Variants in DNAH7 observed in about 807,000 individuals in gnomAD.
DNAH7 encodes axonemal beta dynein heavy chain 7.
Under a neutral mutation model 444.6 loss-of-function variants are expected in DNAH7, and 397 were observed. The ratio of observed to expected loss-of-function variants is 0.89; its 90% CI spans 0.82 to 0.97. DNAH7 has a LOEUF of 0.97. Among genes scored for constraint, DNAH7 ranks in the 50% least tolerant of loss-of-function variants. The probability of loss-of-function intolerance (pLI) is 0.00; values close to 1 mark genes in which losing one functional copy is unlikely to be tolerated. For synonymous variants in DNAH7, 1,636 were observed against 1,624.4 expected, an observed-to-expected ratio of 1.01 and a Z score of -0.17; for missense variants, 4,902 against 4,800.8, an observed-to-expected ratio of 1.02 and a Z score of -0.62.
At chr2:195,895,486 C>G (rs1157351141) in intron 29 of DNAH7, among the ~76,000 whole-genome samples, 1 of 152,170 alleles carries the variant, frequency 6.6e-6, no homozygotes, top group Non-Finnish European at 1.5e-5. Flanking sequence ...CTTGCTCAGG[C>G]TGGAGTGCAG....
intron 19 of DNAH7, among the ~76,000 whole-genome samples, chr2:195,950,998 T>C (rs1559263158): frequency 6.6e-6 from 1 of 151,930 alleles, no homozygotes; most frequent in East Asian, 1.9e-4. Flanking sequence ...TGTTTGCTCT[T>C]GGTTCTCTAG....
chr2:195,824,120 C>G (rs982855008), intron 49 of DNAH7, 135 bp downstream of exon 49: 8 of 699,866 alleles, frequency 1.1e-5, no homozygotes, highest in Non-Finnish European at 1.7e-5. Context: ...ATTATTATAG[C>G]AATAATTTTA....
At chr2:195,750,514 C>A (rs1178027694) in intron 63 of DNAH7, among the ~76,000 whole-genome samples, 1 of 152,102 alleles carries the variant, frequency 6.6e-6, no homozygotes, top group Non-Finnish European at 1.5e-5. Context: ...TAAGAATTAA[C>A]CATAACTCCT....
intron 15 of DNAH7, among the ~76,000 whole-genome samples, chr2:195,976,687 T>C (rs150797313): frequency 0.011 from 1,621 of 150,248 alleles, 15 homozygotes; most frequent in Non-Finnish European, 0.018. Context: ...CAAGGGTGTT[T>C]GTGTCACCCC....
chr2:195,921,872 G>A (rs1688048287), intron 24 of DNAH7, among the ~76,000 whole-genome samples: 1 of 152,152 alleles, frequency 6.6e-6, no homozygotes, highest in African/African-American at 2.4e-5. Flanking sequence ...AACAACAAGT[G>A]ACACCTACTA....
chr2:195,791,196 G>A (rs1012466087), intron 57 of DNAH7, among the ~76,000 whole-genome samples: 4 of 151,812 alleles, frequency 2.6e-5, no homozygotes, highest in Admixed American at 6.6e-5. Context: ...GGCCAGGCTC[G>A]GTGGCTCACT....
rs1290088231 is a variant in DNAH7 at position 196,051,177 on chromosome 2, G to A, written c.141+10C>T. ...CAAAAATTCAATGAGAATATATTTG[G>A]ATAAGTTACCATAGACAGCTGTGGT... On this transcript the variant is annotated intron_variant, in intron 3 of 64. Coordinates refer to ENST00000312428, the MANE Select transcript of DNAH7 (RefSeq NM_018897.3). The A allele has an allele frequency of 6.2e-7, 1 of 1,610,340 alleles. No homozygotes were observed. Among genetic ancestry groups the A allele is most frequent in the African/African-American group, 1.3e-5 (1 of 74,838 alleles).
At position 195,777,916 on chromosome 2, in the gene DNAH7, A is replaced by C; in HGVS notation, c.10948T>G (p.Trp3650Gly). 1 of 1,614,214 alleles carries C rather than the reference A, an allele frequency of 6.2e-7. No homozygotes were observed. Among genetic ancestry groups the C allele is most frequent in the Non-Finnish European group, 8.5e-7 (1 of 1,180,014 alleles). Residue 3650 changes from tryptophan (W) to glycine (G), a missense_variant, in exon 59 of 65, where the codon TGG becomes GGG. Coordinates refer to ENST00000312428, the MANE Select transcript of DNAH7 (RefSeq NM_018897.3). ...CNYGGRVTDD[W>G]DRRTLRSILN... ...ATGCTGCGCAGCGTGCGCCGGTCCC[A>C]GTCATCGGTCACTCTGCCTCCGTAA...
chr2:195,948,522 T>C (rs1042296106), intron 19 of DNAH7, among the ~76,000 whole-genome samples: 7 of 152,202 alleles, frequency 4.6e-5, no homozygotes, highest in Non-Finnish European at 7.3e-5. Context: ...CTAGCCAGTT[T>C]TCCCAACACC....
At chr2:195,909,820 T>C (rs1172746636) in intron 25 of DNAH7, among the ~76,000 whole-genome samples, 1 of 152,172 alleles carries the variant, frequency 6.6e-6, no homozygotes, top group Non-Finnish European at 1.5e-5. Flanking sequence ...CTTGTTACAG[T>C]AGGGACTGGA....
intron 60 of DNAH7, 67 bp from the exon 61 acceptor site, chr2:195,771,957 A>C (rs1372421313): frequency 7.7e-7 from 1 of 1,305,582 alleles, no homozygotes; most frequent in Non-Finnish European, 1.1e-6. Flanking sequence ...AATAGGAAAA[A>C]TCCTAAGGTA....
At chr2:195,914,869 C>T (rs190479511) in intron 24 of DNAH7, among the ~76,000 whole-genome samples, 322 of 152,222 alleles carry the variant, frequency 2.1e-3, no homozygotes, top group African/African-American at 7.6e-3. Flanking sequence ...ACCATGTTGG[C>T]TAGGCTGGTC....
In DNAH7 at chr2:196,058,062, G is replaced by T; in HGVS notation, c.70C>A (p.Leu24Met). ...GTATATTGGTAAATTACCATAGACAGCTGTGGTAGAAATCTTACTGGTTTC... is the reference window on the plus strand; with the variant it reads ...GTATATTGGTAAATTACCATAGACATCTGTGGTAGAAATCTTACTGGTTTC... ...SKKPVRFLPQ[L>M]SMEKLASKEK... Residue 24 changes from leucine (L) to methionine (M), a missense_variant, in exon 2 of 65, where the codon CTG becomes ATG. Coordinates refer to ENST00000312428, the MANE Select transcript of DNAH7 (RefSeq NM_018897.3). 6.4e-7 allele frequency: 1 copy of T among 1,562,748 alleles called. No homozygotes were observed. Among genetic ancestry groups the T allele is most frequent in the Admixed American group, 1.8e-5 (1 of 54,136 alleles).
chr2:195,815,285 T>C (rs1697168898), intron 51 of DNAH7, among the ~76,000 whole-genome samples: 1 of 152,102 alleles, frequency 6.6e-6, no homozygotes, highest in African/African-American at 2.4e-5. Flanking sequence ...CATTACGCAA[T>C]GCATTTCTTC....
At chr2:195,982,188 T>G (rs1574943896) in intron 15 of DNAH7, among the ~76,000 whole-genome samples, 1 of 152,060 alleles carries the variant, frequency 6.6e-6, no homozygotes, top group African/African-American at 2.4e-5. Context: ...AATAGATATT[T>G]TTCAAAAGAC....
intron 5 of DNAH7, 43 bp downstream of exon 5, chr2:196,047,309 C>T: frequency 6.8e-7 from 1 of 1,467,762 alleles, no homozygotes; most frequent in East Asian, 2.4e-5. Flanking sequence ...TTGCCAGGGG[C>T]TCTAACATGG....
chr2:196,038,889 A>G (rs962364600), intron 5 of DNAH7, among the ~76,000 whole-genome samples: 1 of 152,212 alleles, frequency 6.6e-6, no homozygotes, highest in Non-Finnish European at 1.5e-5. Context: ...TAAAGAAAAT[A>G]TTATTAAAGT....
In DNAH7 at chr2:195,904,944, C is replaced by T. The variant is rs1408773975; in HGVS notation, c.4335+1715G>A. ...TAGGTAATTGGTATTTCCATATATA[C>T]CTGAAAACAGATGCTCTGTAGAAGC... On this transcript the variant is annotated intron_variant, in intron 27 of 64. Coordinates refer to ENST00000312428, the MANE Select transcript of DNAH7 (RefSeq NM_018897.3). 3.3e-5 allele frequency: 5 copies of T among 152,184 alleles called. No homozygotes were observed. In the South Asian group the frequency reaches 1.0e-3, roughly 31 times the overall value. 9.4% of individuals were successfully genotyped at this position (152,184 alleles called of 1,614,324 possible).
chr2:195,965,679 A>G (rs1464398252), intron 17 of DNAH7, among the ~76,000 whole-genome samples: 1 of 152,136 alleles, frequency 6.6e-6, no homozygotes, highest in African/African-American at 2.4e-5. Flanking sequence ...GGATTGCTGC[A>G]TGGTTCAATC....
Sources: gnomAD v4.1 joint callset for allele counts (sites outside exome capture counted in the v4.1 genomes callset) on GRCh38, gnomAD v4.1.1 for gene constraint, MANE v1.5 for transcripts, NCBI Gene and HGNC (gene_info 2026-07-23, HGNC 2026-07-21) for gene names.